The following CDYL2 variants were observed in gnomAD, a reference collection of about 807,000 sequenced individuals.
CDYL2 encodes the protein chromodomain Y-like protein 2.
CDYL2 carries 23 observed loss-of-function variants against 49.4 expected under a neutral mutation model. The observed-to-expected ratio is 0.47, with a 90% CI of 0.34 to 0.66. The LOEUF (loss-of-function observed/expected upper bound fraction) is 0.66, where lower values mean the gene tolerates loss of function less well. Among genes scored for constraint, CDYL2 ranks in the 30% least tolerant of loss-of-function variants. The probability of loss-of-function intolerance (pLI) is 0.01; values close to 1 mark genes in which losing one functional copy is unlikely to be tolerated. For missense variants in CDYL2, 678 were observed against 656.4 expected (o/e 1.03, Z -0.36); for synonymous variants, 360 against 268.8 (o/e 1.34, Z -3.32).
At chr16:80,803,338 G>A (rs562385382) in intron 1 of CDYL2, among the ~76,000 whole-genome samples, 1 of 152,296 alleles carries the variant, frequency 6.6e-6, no homozygotes, top group South Asian at 2.1e-4. Context: ...TCCACTGAGG[G>A]TGACGAGAGT....
rs536214515 is a variant in CDYL2 at position 80,622,049 on chromosome 16, C to G, written c.835-1114G>C. 1.3e-4 allele frequency among the ~76,000 whole-genome samples: 20 copies of G among 152,300 alleles called. No homozygotes were observed. In the East Asian group the frequency reaches 2.7e-3, roughly 21 times the overall value. On this transcript the variant is annotated intron_variant, in intron 3 of 6. Coordinates refer to ENST00000570137, the MANE Select transcript of CDYL2 (RefSeq NM_152342.4). ...GAGGGGTCGTAACACTAGTCCAAGG[C>G]CACACAGTTGGTAAGTGTTAGAGGT...
Position 80,712,189 on chromosome 16 carries a change from G to GTATATATATATATATATA in CDYL2, c.25-27061_25-27060insTATATATATATATATATA, listed in dbSNP as rs527296483. 2.2e-3 allele frequency among the ~76,000 whole-genome samples: 167 copies of GTATATATATATATATATA among 75,802 alleles called. 1 individual carries two copies. Among genetic ancestry groups the GTATATATATATATATATA allele is most frequent in the South Asian group, 5.5e-3 (10 of 1,804 alleles). 49.7% of individuals were successfully genotyped at this position (75,802 alleles called of 152,430 possible). A position where few individuals can be genotyped will look rare whatever the true frequency, so the allele number is the denominator to read the frequency against. ...TATATATGTGTCTTTGTGTCTGTGT[G>GTATATATATATATATATA]TGTATATATATATATATATATATAT... On this transcript the variant is annotated intron_variant, in intron 1 of 6. Transcript: ENST00000570137.
intron 4 of CDYL2, among the ~76,000 whole-genome samples, chr16:80,616,239 G>A (rs1282604348): frequency 6.6e-6 from 1 of 152,190 alleles, no homozygotes; most frequent in African/African-American, 2.4e-5. Context: ...TCTGTAAAAT[G>A]GGAAAATCAA....
chr16:80,678,650 T>TC (rs2142464689), intron 2 of CDYL2, among the ~76,000 whole-genome samples: 1 of 149,046 alleles, frequency 6.7e-6, no homozygotes, highest in South Asian at 2.2e-4. Flanking sequence ...AGGAACACTT[T>TC]TACACTGTTG....
chr16:80,681,379 C>T (rs1597169640), intron 2 of CDYL2, among the ~76,000 whole-genome samples: 1 of 152,078 alleles, frequency 6.6e-6, no homozygotes, highest in African/African-American at 2.4e-5. Context: ...GGAGGACATT[C>T]AGGGCTACGT....
chr16:80,724,834 T>G (rs190931256), intron 1 of CDYL2, among the ~76,000 whole-genome samples: 1 of 152,218 alleles, frequency 6.6e-6, no homozygotes, highest in Non-Finnish European at 1.5e-5. Flanking sequence ...GCTTCCCACA[T>G]GGTCTTCTTG....
At chr16:80,784,241 T>G (rs554285191) in intron 1 of CDYL2, among the ~76,000 whole-genome samples, 2 of 152,324 alleles carry the variant, frequency 1.3e-5, no homozygotes, top group South Asian at 4.1e-4. Flanking sequence ...TCTAACTTCT[T>G]GAAATGAATG....
intron 1 of CDYL2, among the ~76,000 whole-genome samples, chr16:80,774,903 T>TAA (rs71730368): frequency 0.066 from 9,659 of 146,760 alleles, 347 homozygotes; most frequent in African/African-American, 0.09. Context: ...AGCTAAATAT[T>TAA]AAAAAAAAAA....
At chr16:80,670,953 T>A (rs1909477954) in intron 2 of CDYL2, 1 of 455,892 alleles carries the variant, frequency 2.2e-6, no homozygotes, top group Non-Finnish European at 4.4e-6. Flanking sequence ...CCACCTGGAA[T>A]AACATGAATA....
intron 1 of CDYL2, among the ~76,000 whole-genome samples, chr16:80,687,011 G>C (rs558737144): frequency 6.6e-6 from 1 of 152,320 alleles, no homozygotes; most frequent in Non-Finnish European, 1.5e-5. Context: ...TTGGGTTAAG[G>C]AATGGAGTTA....
intron 1 of CDYL2, among the ~76,000 whole-genome samples, chr16:80,702,218 A>ACACACACAC (rs397797316): frequency 6.6e-6 from 1 of 151,494 alleles, no homozygotes; most frequent in African/African-American, 2.4e-5. Flanking sequence ...ACACACACAC[A>ACACACACAC]AAACTATAAA....
chr16:80,712,436 C>A (rs1275772152), intron 1 of CDYL2, among the ~76,000 whole-genome samples: 5 of 151,856 alleles, frequency 3.3e-5, no homozygotes, highest in Admixed American at 3.3e-4. Flanking sequence ...TCCCTGGCTG[C>A]TCTCCATGTC....
chr16:80,788,345 A>G (rs1282845474), intron 1 of CDYL2, among the ~76,000 whole-genome samples: 1 of 152,220 alleles, frequency 6.6e-6, no homozygotes, highest in African/African-American at 2.4e-5. Context: ...ATCCATTCAG[A>G]TTCAAAGAGA....
chr16:80,777,195 A>G (rs1475019118), intron 1 of CDYL2, among the ~76,000 whole-genome samples: 4 of 152,208 alleles, frequency 2.6e-5, no homozygotes, highest in Non-Finnish European at 5.9e-5. Flanking sequence ...GGGAGACGGA[A>G]GGAGTACACT....
intron 1 of CDYL2, among the ~76,000 whole-genome samples, chr16:80,801,675 T>A (rs1159419815): frequency 6.6e-6 from 1 of 152,264 alleles, no homozygotes; most frequent in Non-Finnish European, 1.5e-5. Flanking sequence ...TAATTTAGAA[T>A]GAAATCTGTT....
chr16:80,627,984 A>G (rs1361440758), intron 3 of CDYL2: 1 of 152,234 alleles, frequency 6.6e-6, no homozygotes, highest in Non-Finnish European at 1.5e-5. Flanking sequence ...AATGTGATGT[A>G]AAAGAGGAAT....
intron 1 of CDYL2, among the ~76,000 whole-genome samples, chr16:80,692,898 C>G (rs1252211852): frequency 1.3e-5 from 2 of 152,046 alleles, no homozygotes; most frequent in Non-Finnish European, 2.9e-5. Flanking sequence ...AGCATTTTTT[C>G]TCATAACAGA....
Position 80,685,028 on chromosome 16 carries a change from C to T in CDYL2, c.126G>A (p.Glu42=), listed in dbSNP as rs201935636. ...YGSTEDTWEP[E]HHLLHCEEFI... is the part of the protein sequence containing the mutation. ...ACTCCTCACAGTGCAAGAGGTGGTGCTCCGGCTCCCACGTGTCCTCGGTGC... is the reference window on the plus strand; with the variant it reads ...ACTCCTCACAGTGCAAGAGGTGGTGTTCCGGCTCCCACGTGTCCTCGGTGC... The change falls in exon 2 of 7, where the codon GAG becomes GAA. Residue 42 remains glutamate (E), a synonymous_variant. Transcript: ENST00000570137. The T allele has an allele frequency of 3.1e-6, 5 of 1,614,182 alleles. No homozygotes were observed. Among genetic ancestry groups the T allele is most frequent in the Non-Finnish European group, 2.5e-6 (3 of 1,180,024 alleles).
chr16:80,741,964 G>A (rs774292825), intron 1 of CDYL2: 1 of 152,214 alleles, frequency 6.6e-6, no homozygotes, highest in South Asian at 2.1e-4. Context: ...AGAACAATGT[G>A]CAAGGTTTCA....
Sources: allele counts gnomAD v4.1 joint callset (sites outside exome capture counted in the v4.1 genomes callset), GRCh38; gene constraint gnomAD v4.1.1; transcripts MANE v1.5; gene names NCBI Gene and HGNC (gene_info 2026-07-23, HGNC 2026-07-21).